Variants in PIP5K1C observed in about 807,000 individuals in gnomAD.
PIP5K1C encodes the protein phosphatidylinositol 4-phosphate 5-kinase type-1 gamma.
Under a neutral mutation model 80.1 loss-of-function variants are expected in PIP5K1C, and 45 were observed. The ratio of observed to expected loss-of-function variants is 0.56; its 90% CI spans 0.44 to 0.72. The LOEUF (loss-of-function observed/expected upper bound fraction) is 0.72. Among genes scored for constraint, PIP5K1C ranks in the 30% least tolerant of loss-of-function variants. The pLI, the probability that PIP5K1C is intolerant of heterozygous loss-of-function variation, is 0.00. For synonymous variants in PIP5K1C, 498 were observed against 420.1 expected (o/e 1.19, Z -2.27); for missense variants, 753 against 954.6 (o/e 0.79, Z 2.78).
intron 1 of PIP5K1C, among the ~76,000 whole-genome samples, chr19:3,681,532 C>T (rs2035589151): frequency 6.6e-6 from 1 of 152,108 alleles, no homozygotes; most frequent in Admixed American, 6.5e-5. Flanking sequence ...GCGCCTGGCC[C>T]ACTTTTGTCT....
intron 5 of PIP5K1C, among the ~76,000 whole-genome samples, chr19:3,660,249 A>G (rs2005718): frequency 0.55 from 84,067 of 151,862 alleles, 23,537 homozygotes; most frequent in East Asian, 0.71. Flanking sequence ...GCGTGGTGGC[A>G]GGCACCTGTA....
At position 3,696,929 on chromosome 19, in the gene PIP5K1C, G is replaced by A. The variant is rs1217992870; in HGVS notation, c.94+3368C>T. Reference sequence around the variant, plus strand: ...TGGGACAGGGAGCAGAGGAAGAGCAGGGGCGCCAGGCCTGGCTCAGGGGGC... The same window carrying A: ...TGGGACAGGGAGCAGAGGAAGAGCAAGGGCGCCAGGCCTGGCTCAGGGGGC... On this transcript the variant is annotated intron_variant, in intron 1 of 17. Transcript: ENST00000335312. This position sits in a 1 kb window ranked among gnomAD's most constrained non-coding sequence, Gnocchi z 4.1. Among the ~76,000 whole-genome samples the A allele has an allele frequency of 6.6e-6, 1 of 152,218 alleles. No individual in the cohort carries two copies. The highest frequency in any genetic ancestry group is 2.4e-5 in the African/African-American group (1 of 41,446).
chr19:3,691,928 G>C (rs2035963055), intron 1 of PIP5K1C, among the ~76,000 whole-genome samples: 1 of 152,108 alleles, frequency 6.6e-6, no homozygotes, highest in Non-Finnish European at 1.5e-5. Flanking sequence ...GCTCATACGC[G>C]CCCACAGGCA....
Position 3,643,388 on chromosome 19 carries a change from G to C in PIP5K1C, c.1511-7C>G, listed in dbSNP as rs1285653322. The C allele has an allele frequency of 1.2e-6, 2 of 1,613,174 alleles. No individual in the cohort carries two copies. The highest frequency in any genetic ancestry group is 1.7e-6 in the Non-Finnish European group (2 of 1,179,884). ...GGCAGGAGGTCGGGCCGGCCTGAGG[G>C]GAGAGGACTGTGGGCACCTTGCGGA... On this transcript the variant is annotated splice_polypyrimidine_tract_variant and splice_region_variant and intron_variant, in intron 12 of 17. Coordinates refer to ENST00000335312, the MANE Select transcript of PIP5K1C (RefSeq NM_012398.3).
At chr19:3,636,856 T>C (rs1041350484) in intron 16 of PIP5K1C, 1 of 993,874 alleles carries the variant, frequency 1.0e-6, no homozygotes, top group African/African-American at 1.7e-5. Context: ...TTAGGCTCTC[T>C]GGGCCCCTTG....
At chr19:3,636,580 C>G in intron 16 of PIP5K1C, 1 of 985,604 alleles carries the variant, frequency 1.0e-6, no homozygotes, top group East Asian at 1.1e-4. Context: ...GCAGGCCCCT[C>G]TGGGCAGCTC....
chr19:3,678,383 AATAG>A (rs1350595006), intron 1 of PIP5K1C, among the ~76,000 whole-genome samples: 1 of 94,666 alleles, frequency 1.1e-5, no homozygotes. Context: ...AGGGATGGAG[AATAG>A]ATGGATGGAG....
rs141200749 is a variant in PIP5K1C at position 3,667,416 on chromosome 19, A to G, written c.95-63T>C. The G allele has an allele frequency of 1.2e-3, 1,895 of 1,599,190 alleles. 25 individuals are homozygous for G. In the African/African-American group the frequency reaches 0.021, roughly 18 times the overall value. On this transcript the variant is annotated intron_variant, in intron 1 of 17. Transcript: ENST00000335312. ...GGTGACCTCTGGGAGTCCTGGGCCC[A>G]GCCCCCGGCCCACCTTCTGGCGCCC...
rs777663811 is a variant in PIP5K1C at position 3,641,816 on chromosome 19, G to T, written c.1683-7C>A. The stretch of plus-strand genomic sequence containing the variant: ...GGGTGGCTCCTCCTGCGGCCTGCAG[G>T]CAATGGGAGGTTGTGCCTCGGTTTC... On this transcript the variant is annotated splice_region_variant and splice_polypyrimidine_tract_variant and intron_variant, in intron 14 of 17. Coordinates refer to ENST00000335312, the MANE Select transcript of PIP5K1C (RefSeq NM_012398.3). 6.2e-7 allele frequency: 1 copy of T among 1,608,380 alleles called. No homozygotes were observed. The highest frequency in any genetic ancestry group is 2.2e-5 in the East Asian group (1 of 44,850).
intron 1 of PIP5K1C, among the ~76,000 whole-genome samples, chr19:3,674,893 T>C (rs1236081371): frequency 6.6e-6 from 1 of 152,212 alleles, no homozygotes; most frequent in Non-Finnish European, 1.5e-5. Flanking sequence ...ATTAATAATC[T>C]GTACATGGAT....
chr19:3,654,982 C>T (rs2034571128), intron 6 of PIP5K1C, among the ~76,000 whole-genome samples: 1 of 151,630 alleles, frequency 6.6e-6, no homozygotes, highest in Admixed American at 6.6e-5. Flanking sequence ...GTGGTAGGTG[C>T]CTGGAATCAC....
intron 8 of PIP5K1C, among the ~76,000 whole-genome samples, chr19:3,651,007 C>A (rs1035592411): frequency 1.3e-5 from 2 of 151,462 alleles, no homozygotes; most frequent in African/African-American, 4.9e-5. Context: ...CCACCTGCCT[C>A]AGCCTCCCAA....
At chr19:3,647,432 A>T in intron 9 of PIP5K1C, 46 bp from the exon 10 acceptor site, 5 of 1,528,058 alleles carry the variant, frequency 3.3e-6, no homozygotes, top group Non-Finnish European at 4.5e-6. Context: ...AGCCAAGCCC[A>T]TGCCAGGCCA....
intron 5 of PIP5K1C, among the ~76,000 whole-genome samples, chr19:3,658,340 T>C (rs928749582): frequency 6.6e-6 from 1 of 152,176 alleles, no homozygotes; most frequent in African/African-American, 2.4e-5. Flanking sequence ...GAGAGAGCCG[T>C]GTGGGGTGGA....
intron 14 of PIP5K1C, among the ~76,000 whole-genome samples, 197 bp downstream of exon 14, chr19:3,642,710 C>A (rs2034015099): frequency 6.6e-6 from 1 of 152,134 alleles, no homozygotes; most frequent in Admixed American, 6.5e-5. Flanking sequence ...CAGACCAGAG[C>A]TGCCCTGGCT....
At chr19:3,643,413 A>C (rs905546264) in intron 12 of PIP5K1C, 32 bp from the exon 13 acceptor site, 1 of 1,611,290 alleles carries the variant, frequency 6.2e-7, no homozygotes, top group Non-Finnish European at 8.5e-7. Flanking sequence ...CACCTTGCGG[A>C]GCCTCCGAGC....
rs201700016 is a variant in PIP5K1C at position 3,645,955 on chromosome 19, C to A, written c.1345+19G>T. The A allele has an allele frequency of 6.2e-7, 1 of 1,601,996 alleles. No individual in the cohort carries two copies. The highest frequency in any genetic ancestry group is 8.6e-7 in the Non-Finnish European group (1 of 1,169,518). ...CTTCCCCAGGGTCCCTCCCGCCTTG[C>A]GGGGCTCAGGTGGCTTACAGGAGTT... On this transcript the variant is annotated intron_variant, in intron 11 of 17. Transcript: ENST00000335312.
chr19:3,638,534 C>A (rs1000194242), intron 16 of PIP5K1C, among the ~76,000 whole-genome samples: 3 of 152,252 alleles, frequency 2.0e-5, no homozygotes, highest in African/African-American at 7.2e-5. Flanking sequence ...GGCCAAGAGT[C>A]TGAGGACTCC....
chr19:3,672,903 G>A (rs932784050), intron 1 of PIP5K1C, among the ~76,000 whole-genome samples: 28 of 151,362 alleles, frequency 1.8e-4, no homozygotes, highest in Admixed American at 1.4e-3. Flanking sequence ...GTGGGGGCGG[G>A]GGGAGAGTGG....
Sources: allele counts gnomAD v4.1 joint callset (sites outside exome capture counted in the v4.1 genomes callset), GRCh38; gene constraint gnomAD v4.1.1; non-coding constraint Gnocchi (gnomAD v3.1); transcripts MANE v1.5; gene names NCBI Gene and HGNC (gene_info 2026-07-23, HGNC 2026-07-21).